The following EDIL3 variants were observed in gnomAD, a reference collection of about 807,000 sequenced individuals.
EDIL3 encodes EGF like and discoidin domains 3, also known as EGF-like repeat and discoidin I-like domain-containing protein 3.
A neutral mutation model predicts 67.4 loss-of-function variants in EDIL3; 37 were observed. The ratio of observed to expected loss-of-function variants is 0.55; its 90% CI spans 0.42 to 0.72. EDIL3 has a LOEUF of 0.72. Ranked by LOEUF, EDIL3 falls within the 30% of genes least tolerant of loss-of-function variation. The pLI is 0.00. For missense variants in EDIL3, 527 were observed against 586.3 expected (o/e 0.90, Z 1.04); for synonymous variants, 195 against 196.3 (o/e 0.99, Z 0.05).
chr5:84,153,598 G>A (rs997675451), intron 4 of EDIL3, among the ~76,000 whole-genome samples: 14 of 152,054 alleles, frequency 9.2e-5, no homozygotes, highest in Admixed American at 5.9e-4. Context: ...GAGTAGCTGG[G>A]ACTACAGGCA....
At chr5:84,328,225 T>C (rs994453352) in intron 1 of EDIL3, among the ~76,000 whole-genome samples, 1 of 152,084 alleles carries the variant, frequency 6.6e-6, no homozygotes, top group Admixed American at 6.6e-5. Context: ...TCTATATAAC[T>C]AGATGTTCTA....
At chr5:83,959,538 C>G (rs554723658) in intron 10 of EDIL3, among the ~76,000 whole-genome samples, 1 of 151,110 alleles carries the variant, frequency 6.6e-6, no homozygotes, top group East Asian at 2.0e-4. Context: ...AAACATCTCA[C>G]AGACACATGT....
At chr5:84,041,440 TG>T (rs1307327446) in intron 9 of EDIL3, among the ~76,000 whole-genome samples, 1 of 151,662 alleles carries the variant, frequency 6.6e-6, no homozygotes, top group African/African-American at 2.4e-5. Context: ...AGGCAGCTGG[TG>T]GTGTGCTTTT....
chr5:84,003,272 G>A (rs1745362251), intron 9 of EDIL3, among the ~76,000 whole-genome samples: 1 of 152,150 alleles, frequency 6.6e-6, no homozygotes, highest in Admixed American at 6.5e-5. Flanking sequence ...TATTTCCATG[G>A]GGTGTAACTT....
At chr5:84,323,603 C>T (rs1305279308) in intron 1 of EDIL3, among the ~76,000 whole-genome samples, 7 of 151,866 alleles carry the variant, frequency 4.6e-5, no homozygotes, top group African/African-American at 1.4e-4. Context: ...ATTGAATCCT[C>T]TACTCAAAAA....
intron 1 of EDIL3, among the ~76,000 whole-genome samples, chr5:84,356,736 A>G (rs1361803806): frequency 6.6e-6 from 1 of 152,120 alleles, no homozygotes; most frequent in Non-Finnish European, 1.5e-5. Context: ...CCACAATCAG[A>G]TAAATGCAGT....
intron 9 of EDIL3, among the ~76,000 whole-genome samples, chr5:83,984,651 G>C (rs1745028576): frequency 1.3e-5 from 2 of 152,036 alleles, no homozygotes; most frequent in African/African-American, 4.8e-5. Flanking sequence ...TATGCATGAA[G>C]TACCCTCAGC....
intron 1 of EDIL3, among the ~76,000 whole-genome samples, chr5:84,343,271 G>A (rs371510777): frequency 2.0e-5 from 3 of 151,320 alleles, no homozygotes; most frequent in South Asian, 4.2e-4. Flanking sequence ...GAAATTATTT[G>A]TTTCTCTTTT....
chr5:84,345,253 G>C (rs1747214671), intron 1 of EDIL3, among the ~76,000 whole-genome samples: 1 of 152,002 alleles, frequency 6.6e-6, no homozygotes, highest in African/African-American at 2.4e-5. Flanking sequence ...CTCCTGATTT[G>C]AGACATCCTA....
intron 5 of EDIL3, among the ~76,000 whole-genome samples, chr5:84,107,905 A>G (rs987050525): frequency 6.6e-6 from 1 of 151,034 alleles, no homozygotes; most frequent in African/African-American, 2.4e-5. Flanking sequence ...CATTTCATAT[A>G]CTATACTGAA....
chr5:84,187,152 A>G (rs944271540), intron 3 of EDIL3, among the ~76,000 whole-genome samples: 1 of 152,058 alleles, frequency 6.6e-6, no homozygotes, highest in Non-Finnish European at 1.5e-5. Flanking sequence ...GGGACAGCAT[A>G]TGATCAATAT....
At chr5:84,064,073 C>T (rs1746590263) in intron 8 of EDIL3, among the ~76,000 whole-genome samples, 1 of 152,104 alleles carries the variant, frequency 6.6e-6, no homozygotes, top group Non-Finnish European at 1.5e-5. Context: ...AATTATTTAA[C>T]TCTGAGTCCT....
At chr5:84,097,462 T>A (rs1478122952) in intron 6 of EDIL3, among the ~76,000 whole-genome samples, 1 of 152,186 alleles carries the variant, frequency 6.6e-6, no homozygotes. Context: ...ATAAAAGTCC[T>A]AATAAAAATA....
intron 1 of EDIL3, among the ~76,000 whole-genome samples, chr5:84,283,099 C>G (rs972796588): frequency 4.6e-5 from 7 of 151,560 alleles, no homozygotes; most frequent in African/African-American, 1.7e-4. Context: ...TTATATTGGG[C>G]TGATGTGTTC....
chr5:84,324,183 A>G (rs917040602), intron 1 of EDIL3, among the ~76,000 whole-genome samples: 5 of 151,918 alleles, frequency 3.3e-5, no homozygotes, highest in African/African-American at 7.2e-5. Flanking sequence ...TCAAGCCTCA[A>G]TAGATTAACA....
At chr5:84,098,845 A>C (rs1396629965) in intron 6 of EDIL3, among the ~76,000 whole-genome samples, 1 of 152,154 alleles carries the variant, frequency 6.6e-6, no homozygotes, top group East Asian at 1.9e-4. Context: ...TCACAACTAA[A>C]AGAACTAGGG....
At chr5:84,010,057 A>G (rs1450881688) in intron 9 of EDIL3, among the ~76,000 whole-genome samples, 1 of 152,188 alleles carries the variant, frequency 6.6e-6, no homozygotes, top group Non-Finnish European at 1.5e-5. Flanking sequence ...CAGCTAGCGG[A>G]CTCAAAGCAC....
chr5:84,281,557 TG>T (rs1181973535), intron 1 of EDIL3, among the ~76,000 whole-genome samples: 1 of 152,190 alleles, frequency 6.6e-6, no homozygotes, highest in Non-Finnish European at 1.5e-5. Context: ...ATATGGTTTG[TG>T]GGTGACATCT....
intron 1 of EDIL3, among the ~76,000 whole-genome samples, chr5:84,310,114 A>G (rs934507174): frequency 6.6e-6 from 1 of 152,168 alleles, no homozygotes; most frequent in Admixed American, 6.5e-5. Flanking sequence ...TGACAAAGCT[A>G]CCACACATCT....
Sources: gnomAD v4.1 joint callset for allele counts (sites outside exome capture counted in the v4.1 genomes callset) on GRCh38, gnomAD v4.1.1 for gene constraint, MANE v1.5 for transcripts, NCBI Gene and HGNC (gene_info 2026-07-23, HGNC 2026-07-21) for gene names.